WWOX: variants seen among roughly 807,000 people sequenced by gnomAD.
WWOX encodes WW domain containing oxidoreductase, also known as WW domain-containing oxidoreductase.
Under a neutral mutation model 46.2 loss-of-function variants are expected in WWOX, and 69 were observed. That is an observed-to-expected ratio of 1.49 (90% CI 1.23 to 1.82). The LOEUF (loss-of-function observed/expected upper bound fraction) is 1.82. Among genes scored for constraint, WWOX ranks in the 40% most tolerant of loss-of-function variants. The probability of loss-of-function intolerance (pLI) is 0.00; values close to 1 mark genes in which losing one functional copy is unlikely to be tolerated. For synonymous variants in WWOX, 359 were observed against 202.6 expected, an observed-to-expected ratio of 1.77 and a Z score of -6.56; for missense variants, 919 against 542.6, an observed-to-expected ratio of 1.69 and a Z score of -6.89.
chr16:78,540,435 C>G (rs1378734352), intron 8 of WWOX, among the ~76,000 whole-genome samples: 1 of 152,118 alleles, frequency 6.6e-6, no homozygotes. Flanking sequence ...TGCAAATATA[C>G]TTGTCTCTTC....
rs1251311866 is a variant in WWOX at position 78,151,061 on chromosome 16, G to A, written c.410-13122G>A. On this transcript the variant is annotated intron_variant, in intron 4 of 8. Transcript: ENST00000566780. ...CTCCACAATTTTTTTTTTTTTTTTA[G>A]AGATGGGATCTCACTGTGTTGTCCA... Among the ~76,000 whole-genome samples, 3 of 86,248 alleles carry A rather than the reference G, an allele frequency of 3.5e-5. No homozygotes were observed. In the East Asian group the frequency reaches 1.1e-3, roughly 32 times the overall value. The allele number at this position is 86,248 out of a possible 152,430, so 56.6% of individuals were successfully genotyped here.
intron 8 of WWOX, among the ~76,000 whole-genome samples, chr16:78,688,229 G>T (rs919909236): frequency 2.6e-5 from 4 of 152,086 alleles, no homozygotes; most frequent in African/African-American, 9.6e-5. Flanking sequence ...TTGAAACGCA[G>T]TGATTTATTT....
chr16:78,880,339 T>C (rs2044317949), intron 8 of WWOX, among the ~76,000 whole-genome samples: 1 of 152,258 alleles, frequency 6.6e-6, no homozygotes, highest in Non-Finnish European at 1.5e-5. Flanking sequence ...GAAATTAGAC[T>C]GTCACCTGCT....
intron 8 of WWOX, among the ~76,000 whole-genome samples, chr16:78,838,712 A>G (rs1413869725): frequency 1.3e-5 from 2 of 152,064 alleles, no homozygotes; most frequent in African/African-American, 2.4e-5. Context: ...GCGTGGTAGC[A>G]CACACCTGTA....
intron 8 of WWOX, among the ~76,000 whole-genome samples, chr16:78,826,700 C>A (rs1240692717): frequency 3.3e-5 from 5 of 152,188 alleles, no homozygotes; most frequent in Non-Finnish European, 7.4e-5. Flanking sequence ...ATAAGCTTGC[C>A]TTCACAAGTT....
intron 8 of WWOX, among the ~76,000 whole-genome samples, chr16:79,174,428 C>T (rs886331472): frequency 2.0e-5 from 3 of 152,170 alleles, no homozygotes; most frequent in Admixed American, 1.3e-4. Context: ...GCAGGTGGAT[C>T]ACCTGAGGTC....
chr16:79,210,286 C>A (rs565823232), intron 8 of WWOX, among the ~76,000 whole-genome samples: 1 of 152,206 alleles, frequency 6.6e-6, no homozygotes, highest in Non-Finnish European at 1.5e-5. Context: ...GCAGATTCTT[C>A]ACGTCGTAAC....
intron 8 of WWOX, among the ~76,000 whole-genome samples, chr16:78,483,368 A>G (rs1196940745): frequency 6.9e-6 from 1 of 144,004 alleles, no homozygotes; most frequent in Non-Finnish European, 1.5e-5. Context: ...ATTGGCTGAC[A>G]TGGAAGATTT....
chr16:78,746,363 T>C (rs1003158840), intron 8 of WWOX, among the ~76,000 whole-genome samples: 8 of 152,118 alleles, frequency 5.3e-5, no homozygotes, highest in Non-Finnish European at 1.2e-4. Context: ...CTGGGAATGA[T>C]GGTGCATGCC....
At chr16:78,444,844 C>G (rs1023173929) in intron 8 of WWOX, among the ~76,000 whole-genome samples, 5 of 152,128 alleles carry the variant, frequency 3.3e-5, no homozygotes, top group African/African-American at 9.7e-5. Flanking sequence ...AGGAGCAGTT[C>G]TTTCAATGGA....
At chr16:78,683,064 A>AT (rs2047767162) in intron 8 of WWOX, among the ~76,000 whole-genome samples, 1 of 152,340 alleles carries the variant, frequency 6.6e-6, no homozygotes, top group African/African-American at 2.4e-5. Flanking sequence ...ATCGTCATTT[A>AT]GAACCTGGGT....
intron 8 of WWOX, among the ~76,000 whole-genome samples, chr16:78,595,711 C>G (rs1035161810): frequency 2.0e-5 from 3 of 152,168 alleles, no homozygotes; most frequent in Non-Finnish European, 4.4e-5. Flanking sequence ...GAAACCTGCA[C>G]TCAGTACATC....
rs192339476 is a variant in WWOX, at chr16:78,372,101, A to G, written c.517-14759A>G. ...GTGAAGGAGACTGGGCAATGAATCTAGTTGAGTGCCCTGCAAACTAAGGCA... is the reference window on the plus strand; with the variant it reads ...GTGAAGGAGACTGGGCAATGAATCTGGTTGAGTGCCCTGCAAACTAAGGCA... On this transcript the variant is annotated intron_variant, in intron 5 of 8. Transcript: ENST00000566780. 1.4e-4 allele frequency among the ~76,000 whole-genome samples: 22 copies of G among 152,304 alleles called. No individual in the cohort carries two copies. The East Asian group carries it at 1.7e-3, about 12-fold the overall frequency.
intron 8 of WWOX, among the ~76,000 whole-genome samples, chr16:78,574,168 C>T (rs892025666): frequency 6.6e-6 from 1 of 152,212 alleles, no homozygotes; most frequent in African/African-American, 2.4e-5. Context: ...TCCCACAAAG[C>T]AGCTTCCTTC....
intron 6 of WWOX, among the ~76,000 whole-genome samples, chr16:78,401,190 A>C (rs911458781): frequency 6.6e-6 from 1 of 152,194 alleles, no homozygotes; most frequent in African/African-American, 2.4e-5. Flanking sequence ...TGCAGAAATA[A>C]AGATTTCAAA....
chr16:78,131,062 T>C (rs543926857), intron 4 of WWOX, among the ~76,000 whole-genome samples: 3 of 152,214 alleles, frequency 2.0e-5, no homozygotes, highest in Non-Finnish European at 4.4e-5. Context: ...TAAGTATTTG[T>C]GTATCTAAAC....
chr16:79,057,450 C>G (rs1204683843), intron 8 of WWOX, among the ~76,000 whole-genome samples: 4 of 152,228 alleles, frequency 2.6e-5, no homozygotes, highest in African/African-American at 4.8e-5. Context: ...GTTCAATTCT[C>G]AGGCTCCTTC....
intron 8 of WWOX, among the ~76,000 whole-genome samples, chr16:79,179,093 C>A (rs1367717347): frequency 6.6e-6 from 1 of 152,142 alleles, no homozygotes. Flanking sequence ...CAAGGTCCTG[C>A]TAAGGACACA....
chr16:78,166,096 A>G (rs1031326527), intron 5 of WWOX, among the ~76,000 whole-genome samples: 4 of 152,206 alleles, frequency 2.6e-5, no homozygotes, highest in African/African-American at 9.6e-5. Flanking sequence ...CTTGGAAGAT[A>G]AACATTATGT....
Sources: allele counts gnomAD v4.1 joint callset (sites outside exome capture counted in the v4.1 genomes callset), GRCh38; gene constraint gnomAD v4.1.1; transcripts MANE v1.5; gene names NCBI Gene and HGNC (gene_info 2026-07-23, HGNC 2026-07-21).